MMP16: variants seen among roughly 807,000 people sequenced by gnomAD.
The protein encoded by MMP16 is matrix metallopeptidase 16, also known as matrix metalloproteinase-16.
A neutral mutation model predicts 67.8 loss-of-function variants in MMP16; 12 were observed. The observed-to-expected ratio is 0.18, with a 90% CI of 0.11 to 0.29. MMP16 has a LOEUF of 0.29. MMP16 is among the 10% of genes least tolerant of loss of function. The pLI, the probability that MMP16 is intolerant of heterozygous loss-of-function variation, is 1.00. For missense variants in MMP16, 475 were observed against 765.7 expected, an observed-to-expected ratio of 0.62 and a Z score of 4.48; for synonymous variants, 249 against 255.9, an observed-to-expected ratio of 0.97 and a Z score of 0.26.
At chr8:88,118,965 G>A (rs1809483662) in intron 4 of MMP16, 104 bp from the exon 5 acceptor site, 2 of 1,074,872 alleles carry the variant, frequency 1.9e-6, no homozygotes, top group East Asian at 5.2e-5. Context: ...AAAATAGGAG[G>A]TACTCTTTCC....
intron 4 of MMP16, among the ~76,000 whole-genome samples, chr8:88,123,389 A>T (rs1306568040): frequency 6.6e-6 from 1 of 151,788 alleles, no homozygotes; most frequent in East Asian, 2.0e-4. Context: ...TAGATGTATC[A>T]TCTATTTTCT....
At chr8:88,226,691 C>T (rs977445222) in intron 1 of MMP16, among the ~76,000 whole-genome samples, 13 of 151,900 alleles carry the variant, frequency 8.6e-5, no homozygotes, top group Non-Finnish European at 1.8e-4. Context: ...CTTCTTACTG[C>T]CCAAAAGCCA....
intron 1 of MMP16, among the ~76,000 whole-genome samples, chr8:88,320,245 T>C (rs1052135424): frequency 3.3e-5 from 5 of 152,218 alleles, no homozygotes; most frequent in South Asian, 2.1e-4. Context: ...TAAGGACTCA[T>C]GGTAAACATT....
At chr8:88,097,321 A>G (rs1809045251) in intron 6 of MMP16, among the ~76,000 whole-genome samples, 1 of 151,870 alleles carries the variant, frequency 6.6e-6, no homozygotes, top group African/African-American at 2.4e-5. Flanking sequence ...CTGCTTAAAC[A>G]TTCTATTAAG....
chr8:88,055,428 G>A (rs1191214864), intron 8 of MMP16, among the ~76,000 whole-genome samples: 4 of 152,074 alleles, frequency 2.6e-5, no homozygotes, highest in Non-Finnish European at 4.4e-5. Context: ...GGCTGGTCTC[G>A]AACTCCTGAG....
rs1807993551 is a variant in MMP16, at chr8:88,032,147, G to A, written c.*9314C>T. The A allele has an allele frequency of 6.6e-6, 1 of 152,064 alleles. No individual in the cohort carries two copies. Among genetic ancestry groups the A allele is most frequent in the Admixed American group, 6.6e-5 (1 of 15,234 alleles). 9.4% of individuals were successfully genotyped at this position (152,064 alleles called of 1,614,324 possible). A position where few individuals can be genotyped will look rare whatever the true frequency, so the allele number is the denominator to read the frequency against. ...AAGACACTTACAGCAGACAAAAACT[G>A]CCCCACCCCTAATCCCCTCCTTGAA... On this transcript the variant is annotated 3_prime_UTR_variant, in exon 10 of 10. Transcript: ENST00000286614.
chr8:88,085,423 A>T (rs1271650977), intron 6 of MMP16, among the ~76,000 whole-genome samples: 5 of 152,032 alleles, frequency 3.3e-5, no homozygotes, highest in African/African-American at 1.2e-4. Context: ...ACAGTCGTGA[A>T]TGTCTGCAAT....
In MMP16 at chr8:88,250,959, G is replaced by A. The variant is rs547785375; in HGVS notation, c.133-53653C>T. ...TACCCCACAACAGTCCCCAGAGTGT[G>A]ATGCTCCCCTTCCTGTGTCCATGTG... On this transcript the variant is annotated intron_variant, in intron 1 of 9. Coordinates refer to ENST00000286614, the MANE Select transcript of MMP16 (RefSeq NM_005941.5). 3.2e-4 allele frequency among the ~76,000 whole-genome samples: 44 copies of A among 136,950 alleles called. No homozygotes were observed. The South Asian group carries it at 5.8e-3, about 18-fold the overall frequency. 89.8% of individuals were successfully genotyped at this position (136,950 alleles called of 152,430 possible).
intron 7 of MMP16, among the ~76,000 whole-genome samples, chr8:88,066,045 AG>A (rs1808459228): frequency 6.6e-6 from 1 of 152,112 alleles, no homozygotes; most frequent in African/African-American, 2.4e-5. Flanking sequence ...ACTGCCAACC[AG>A]GGTAATAAGT....
At chr8:88,074,550 G>T (rs1294708444) in intron 7 of MMP16, 55 bp downstream of exon 7, 5 of 1,563,648 alleles carry the variant, frequency 3.2e-6, no homozygotes, top group Non-Finnish European at 2.6e-6. Flanking sequence ...GCACCACAGG[G>T]TCCTATACAA....
rs961541964 is a variant in MMP16, at chr8:88,327,064, C to G, written c.132+11G>C. ...GCAGCGGGGGGAGGAAGAAAGCCCT[C>G]GCACTCTTACCTCCACATTGAAATA... On this transcript the variant is annotated intron_variant, in intron 1 of 9. Transcript: ENST00000286614. The G allele has an allele frequency of 1.2e-6, 2 of 1,613,458 alleles. No individual in the cohort carries two copies. The highest frequency in any genetic ancestry group is 2.7e-5 in the African/African-American group (2 of 74,856).
At chr8:88,222,506 C>A (rs545257118) in intron 1 of MMP16, among the ~76,000 whole-genome samples, 44 of 152,122 alleles carry the variant, frequency 2.9e-4, no homozygotes, top group African/African-American at 9.6e-4. Context: ...AGATATAGAC[C>A]AATGGAACAG....
intron 1 of MMP16, among the ~76,000 whole-genome samples, chr8:88,232,792 T>G (rs1237428750): frequency 2.0e-5 from 3 of 152,200 alleles, no homozygotes; most frequent in South Asian, 4.1e-4. Context: ...ACAATTTTTT[T>G]GAGTAACAGC....
At chr8:88,043,415 C>G (rs1279642139) in intron 9 of MMP16, among the ~76,000 whole-genome samples, 2 of 152,144 alleles carry the variant, frequency 1.3e-5, no homozygotes, top group African/African-American at 4.8e-5. Flanking sequence ...TCCTGAGTAG[C>G]TGGGATTACA....
At chr8:88,170,884 T>C (rs752756134) in intron 3 of MMP16, among the ~76,000 whole-genome samples, 18 of 152,126 alleles carry the variant, frequency 1.2e-4, no homozygotes, top group Non-Finnish European at 2.5e-4. Flanking sequence ...TAATAAAACA[T>C]TTCAGAAGTT....
At chr8:88,155,287 A>G (rs1199639842) in intron 4 of MMP16, among the ~76,000 whole-genome samples, 1 of 152,134 alleles carries the variant, frequency 6.6e-6, no homozygotes, top group Non-Finnish European at 1.5e-5. Context: ...TAGAATATAT[A>G]CAAAATATTA....
At chr8:88,258,003 C>T (rs1233674118) in intron 1 of MMP16, among the ~76,000 whole-genome samples, 1 of 151,680 alleles carries the variant, frequency 6.6e-6, no homozygotes, top group Non-Finnish European at 1.5e-5. Context: ...TCTAGCTTCA[C>T]TGGCTGAAGC....
chr8:88,302,427 G>A (rs1006470563), intron 1 of MMP16, among the ~76,000 whole-genome samples: 2 of 152,158 alleles, frequency 1.3e-5, no homozygotes, highest in African/African-American at 2.4e-5. Context: ...TCTAATTTGC[G>A]TCCCTTGTTA....
chr8:88,210,418 C>T (rs1809495692), intron 1 of MMP16, among the ~76,000 whole-genome samples: 1 of 152,148 alleles, frequency 6.6e-6, no homozygotes, highest in African/African-American at 2.4e-5. Context: ...ATTACAAGGG[C>T]TCGCTAAGTG....
Sources: gnomAD v4.1 joint callset for allele counts (sites outside exome capture counted in the v4.1 genomes callset) on GRCh38, gnomAD v4.1.1 for gene constraint, MANE v1.5 for transcripts, NCBI Gene and HGNC (gene_info 2026-07-23, HGNC 2026-07-21) for gene names.